Variants in NETO1 observed in about 807,000 individuals in gnomAD.
The protein encoded by NETO1 is neuropilin and tolloid like 1.
NETO1 carries 26 observed loss-of-function variants against 61.3 expected under a neutral mutation model. The ratio of observed to expected loss-of-function variants is 0.42; its 90% CI spans 0.31 to 0.59. The LOEUF is 0.59. Ranked by LOEUF, NETO1 falls within the 20% of genes least tolerant of loss-of-function variation. The pLI, the probability that NETO1 is intolerant of heterozygous loss-of-function variation, is 0.12. For synonymous variants in NETO1, 225 were observed against 225.8 expected, an observed-to-expected ratio of 1.00 and a Z score of 0.03; for missense variants, 531 against 662.8, an observed-to-expected ratio of 0.80 and a Z score of 2.18.
chr18:72,812,706 A>C (rs1341716856), intron 4 of NETO1, among the ~76,000 whole-genome samples: 1 of 152,126 alleles, frequency 6.6e-6, no homozygotes, highest in Admixed American at 6.5e-5. Flanking sequence ...GTCTCTCTAG[A>C]ATGTACCTCT....
chr18:72,752,140 T>G (rs1266615579), intron 8 of NETO1: 1 of 152,108 alleles, frequency 6.6e-6, no homozygotes, highest in Non-Finnish European at 1.5e-5. Flanking sequence ...ATCTAGAAGT[T>G]TAACAGAACG....
At chr18:72,789,210 GCACACACACACA>G (rs71166426) in intron 6 of NETO1, among the ~76,000 whole-genome samples, 15 of 141,566 alleles carry the variant, frequency 1.1e-4, no homozygotes, top group African/African-American at 3.1e-4. Context: ...TAACACACAA[GCACACACACACA>G]CACACACACA....
At chr18:72,789,210 GCACACACACACACA>G (rs71166426) in intron 6 of NETO1, among the ~76,000 whole-genome samples, 19 of 141,458 alleles carry the variant, frequency 1.3e-4, no homozygotes, top group African/African-American at 3.7e-4. Flanking sequence ...TAACACACAA[GCACACACACACACA>G]CACACACACA....
chr18:72,864,757 G>T (rs756121976), intron 3 of NETO1, 51 bp downstream of exon 3: 2 of 1,610,868 alleles, frequency 1.2e-6, no homozygotes, highest in African/African-American at 2.7e-5. Flanking sequence ...GCACAGAGAT[G>T]GCAAGGTTTT....
intron 7 of NETO1, among the ~76,000 whole-genome samples, chr18:72,764,722 G>C (rs1348925904): frequency 6.6e-6 from 1 of 152,130 alleles, no homozygotes; most frequent in Admixed American, 6.5e-5. Flanking sequence ...ATGGGCCTAA[G>C]CAAAATGATT....
intron 8 of NETO1, among the ~76,000 whole-genome samples, chr18:72,753,022 C>A (rs1294580588): frequency 1.3e-5 from 2 of 151,478 alleles, no homozygotes; most frequent in Non-Finnish European, 2.9e-5. Context: ...AAAAATGTGG[C>A]AAATCAACAA....
intron 4 of NETO1, among the ~76,000 whole-genome samples, chr18:72,811,367 A>G (rs1297495487): frequency 6.6e-6 from 1 of 152,228 alleles, no homozygotes; most frequent in East Asian, 1.9e-4. Flanking sequence ...GAAACTCTCC[A>G]GCTTCCATAT....
intron 7 of NETO1, among the ~76,000 whole-genome samples, chr18:72,761,825 A>G (rs11151794): frequency 0.29 from 44,732 of 152,064 alleles, 7,740 homozygotes; most frequent in South Asian, 0.4. Context: ...ATACTTTATA[A>G]TAAATTCTTT....
At chr18:72,845,921 T>G (rs560438829) in intron 4 of NETO1, among the ~76,000 whole-genome samples, 1 of 151,866 alleles carries the variant, frequency 6.6e-6, no homozygotes, top group Admixed American at 6.6e-5. Context: ...CTATTTCCAA[T>G]TCAAGCTAGA....
At chr18:72,827,526 G>A (rs1296067233) in intron 4 of NETO1, among the ~76,000 whole-genome samples, 1 of 152,036 alleles carries the variant, frequency 6.6e-6, no homozygotes, top group Non-Finnish European at 1.5e-5. Context: ...ACTGTCCAGG[G>A]AAACATGGCA....
intron 4 of NETO1, among the ~76,000 whole-genome samples, chr18:72,818,578 T>C (rs988632773): frequency 5.9e-5 from 9 of 152,224 alleles, no homozygotes; most frequent in Non-Finnish European, 1.2e-4. Context: ...TCACGACTAT[T>C]CTTTGGAAAA....
intron 4 of NETO1, among the ~76,000 whole-genome samples, chr18:72,801,493 T>A (rs996753327): frequency 9.8e-5 from 15 of 152,322 alleles, no homozygotes; most frequent in African/African-American, 3.6e-4. Flanking sequence ...AGTATGTGAA[T>A]GTATTTTCAA....
At chr18:72,802,012 C>T (rs1021725829) in intron 4 of NETO1, among the ~76,000 whole-genome samples, 1 of 151,856 alleles carries the variant, frequency 6.6e-6, no homozygotes, top group African/African-American at 2.4e-5. Flanking sequence ...ATCAAACAAA[C>T]CTGTAAATAA....
At chr18:72,860,876 G>C (rs904357581) in intron 3 of NETO1, among the ~76,000 whole-genome samples, 1 of 152,020 alleles carries the variant, frequency 6.6e-6, no homozygotes, top group Non-Finnish European at 1.5e-5. Context: ...TAAGTATAGC[G>C]CTTGCATACA....
At chr18:72,782,807 A>T (rs1182601189) in intron 7 of NETO1, among the ~76,000 whole-genome samples, 1 of 152,142 alleles carries the variant, frequency 6.6e-6, no homozygotes, top group East Asian at 1.9e-4. Context: ...TCCATCTCAA[A>T]AAAAAATAAT....
At chr18:72,775,644 G>A (rs535882007) in intron 7 of NETO1, among the ~76,000 whole-genome samples, 1 of 152,266 alleles carries the variant, frequency 6.6e-6, no homozygotes, top group Non-Finnish European at 1.5e-5. Context: ...GAGAATAACT[G>A]TTATCTATTT....
chr18:72,761,810 T>C (rs2070983174), intron 7 of NETO1, among the ~76,000 whole-genome samples: 1 of 152,192 alleles, frequency 6.6e-6, no homozygotes, highest in Non-Finnish European at 1.5e-5. Flanking sequence ...TTAACATTTA[T>C]TCAAATACTT....
intron 10 of NETO1, 30 bp downstream of exon 10, chr18:72,748,984 T>C (rs1457034031): frequency 7.2e-7 from 1 of 1,394,024 alleles, no homozygotes; most frequent in Non-Finnish European, 1.0e-6. Flanking sequence ...TACGACAAAG[T>C]AGGAAAAGGA....
chr18:72,824,644 C>G (rs1179163372), intron 4 of NETO1, among the ~76,000 whole-genome samples: 1 of 151,718 alleles, frequency 6.6e-6, no homozygotes, highest in Non-Finnish European at 1.5e-5. Flanking sequence ...GCGGGCAGAT[C>G]ACCTAAGGTC....
Sources: gnomAD v4.1 joint callset for allele counts (sites outside exome capture counted in the v4.1 genomes callset) on GRCh38, gnomAD v4.1.1 for gene constraint, MANE v1.5 for transcripts, NCBI Gene and HGNC (gene_info 2026-07-23, HGNC 2026-07-21) for gene names.